POLR2F: variants seen among roughly 807,000 people sequenced by gnomAD.
POLR2F encodes the protein DNA-directed RNA polymerases I, II, and III subunit RPABC2.
A neutral mutation model predicts 22.7 loss-of-function variants in POLR2F; 12 were observed. The ratio of observed to expected loss-of-function variants is 0.53; its 90% CI spans 0.34 to 0.86. The LOEUF (loss-of-function observed/expected upper bound fraction) is 0.86, where lower values mean the gene tolerates loss of function less well. Among genes scored for constraint, POLR2F ranks in the 40% least tolerant of loss-of-function variants. POLR2F has a pLI of 0.02. For missense variants in POLR2F, 126 were observed against 171.5 expected, an observed-to-expected ratio of 0.73 and a Z score of 1.48; for synonymous variants, 57 against 66.0, an observed-to-expected ratio of 0.86 and a Z score of 0.66.
At chr22:38,035,798 G>A (rs1488396207) in intron 5 of POLR2F, among the ~76,000 whole-genome samples, 1 of 152,170 alleles carries the variant, frequency 6.6e-6, no homozygotes, top group East Asian at 1.9e-4. Flanking sequence ...CCAGCTGGGT[G>A]ACCATGAGTT....
At chr22:38,023,163 G>T (rs1335758139) in intron 1 of POLR2F, among the ~76,000 whole-genome samples, 1 of 152,224 alleles carries the variant, frequency 6.6e-6, no homozygotes, top group African/African-American at 2.4e-5. Flanking sequence ...TGGGAGGAGG[G>T]TGCCTCCAGA....
chr22:37,997,274 C>T lies in POLR2F; in HGVS notation c.120+10962C>T, dbSNP rs573579460. Among the ~76,000 whole-genome samples, 1 of 152,232 alleles carries T rather than the reference C, an allele frequency of 6.6e-6. No homozygotes were observed. The highest frequency in any genetic ancestry group is 6.5e-5 in the Admixed American group (1 of 15,308). On this transcript the variant is annotated intron_variant, in intron 1 of 2. Coordinates refer to the POLR2F transcript ENST00000333418. The surrounding 1 kb of genome is among the most constrained non-coding windows in gnomAD (Gnocchi z 4.4). The stretch of plus-strand genomic sequence containing the variant: ...TTCGGCCTCCACCTTGTTTCTTTCT[C>T]TGTCCATTGCTCCCTCCTTCTCCTC...
In POLR2F at chr22:37,997,598, G is replaced by A. The variant is rs1411656661; in HGVS notation, c.120+11286G>A. Among the ~76,000 whole-genome samples, 1 of 152,124 alleles carries A rather than the reference G, an allele frequency of 6.6e-6. No homozygotes were observed. Among genetic ancestry groups the A allele is most frequent in the African/African-American group, 2.4e-5 (1 of 41,410 alleles). On this transcript the variant is annotated intron_variant, in intron 1 of 2. Coordinates refer to the POLR2F transcript ENST00000333418. This position sits in a 1 kb window ranked among gnomAD's most constrained non-coding sequence, Gnocchi z 4.4. Reference sequence around the variant, plus strand: ...AGATGGGGAGAGCTGACAAGTTAGAGAAGCCAAGGCTTGTGGCAACCTGCA... The same window carrying A: ...AGATGGGGAGAGCTGACAAGTTAGAAAAGCCAAGGCTTGTGGCAACCTGCA...
chr22:37,963,355 C>T (rs1459183756), intron 3 of POLR2F, among the ~76,000 whole-genome samples: 2 of 152,174 alleles, frequency 1.3e-5, no homozygotes, highest in Non-Finnish European at 2.9e-5. Flanking sequence ...GTGGTGCTAT[C>T]ATAGCTCACT....
intron 1 of POLR2F, chr22:37,987,556 G>A (rs1381199932): frequency 5.8e-6 from 2 of 346,964 alleles, no homozygotes; most frequent in Admixed American, 7.6e-5. Flanking sequence ...CTGCCCTGAA[G>A]GATACACTGA....
At chr22:38,023,032 AAAAC>A (rs2084974776) in intron 1 of POLR2F, among the ~76,000 whole-genome samples, 1 of 152,204 alleles carries the variant, frequency 6.6e-6, no homozygotes, top group Non-Finnish European at 1.5e-5. Context: ...AACAGACAAA[AAAAC>A]AAACAAAGAA....
At position 37,953,749 on chromosome 22, in the gene POLR2F, G is replaced by T; in HGVS notation, c.-39G>T. 1 of 1,600,824 alleles carries T rather than the reference G, an allele frequency of 6.2e-7. No homozygotes were observed. Among genetic ancestry groups the T allele is most frequent in the Non-Finnish European group, 8.5e-7 (1 of 1,176,626 alleles). ...TGTCGCTGTTTGCGGGTCTCCGCGC[G>T]GGACCGGGGCGCAGCGGGGTCGCTG... On this transcript the variant is annotated 5_prime_UTR_variant, in exon 1 of 5. Coordinates refer to ENST00000442738, the MANE Select transcript of POLR2F (RefSeq NM_021974.5).
chr22:38,034,831 G>A (rs921642854), intron 5 of POLR2F, among the ~76,000 whole-genome samples: 4 of 152,166 alleles, frequency 2.6e-5, no homozygotes, highest in Non-Finnish European at 5.9e-5. Context: ...GGCCAGAGGA[G>A]AAACCAGTTG....
At chr22:37,971,948 C>T (rs753288391), downstream of POLR2F, among the ~76,000 whole-genome samples, 1 of 151,866 alleles carries the variant, frequency 6.6e-6, no homozygotes, top group Non-Finnish European at 1.5e-5. Context: ...TCTGAGGCTT[C>T]AGTCCCTGAG....
At chr22:37,959,929 A>T (rs1931560846) in intron 3 of POLR2F, among the ~76,000 whole-genome samples, 1 of 149,406 alleles carries the variant, frequency 6.7e-6, no homozygotes, top group African/African-American at 2.5e-5. Context: ...TCAGCCTCCC[A>T]GGTAGCTGGA....
intron 5 of POLR2F, among the ~76,000 whole-genome samples, chr22:38,033,549 C>G (rs898772560): frequency 1.3e-5 from 2 of 152,240 alleles, no homozygotes; most frequent in Non-Finnish European, 2.9e-5. Context: ...CCCACAGAGC[C>G]TCGCCAAGGC....
exon 3 of POLR2F, chr22:38,026,594 C>T (rs1442136157): frequency 2.0e-5 from 6 of 298,002 alleles, no homozygotes; most frequent in East Asian, 8.9e-5. Flanking sequence ...CCCCCTCCCC[C>T]GGCTCCCTGG....
chr22:37,967,709 C>G lies in POLR2F; in HGVS notation c.378C>G (p.Thr126=), dbSNP rs534343471. 1 of 1,613,082 alleles carries G rather than the reference C, an allele frequency of 6.2e-7. No homozygotes were observed. Among genetic ancestry groups the G allele is most frequent in the African/African-American group, 1.3e-5 (1 of 74,824 alleles). ...GGGGGGTGGACGAGCTCATCATCACCGACTGAGCTGGAGTCATCTTCCTGC... is the reference window on the plus strand; with the variant it reads ...GGGGGGTGGACGAGCTCATCATCACGGACTGAGCTGGAGTCATCTTCCTGC... ...EDWGVDELII[T]D The change falls in exon 5 of 5, where the codon ACC becomes ACG. Residue 126 remains threonine, a synonymous_variant. Transcript: ENST00000442738.
upstream of POLR2F, among the ~76,000 whole-genome samples, chr22:37,983,154 C>CTAGGGAA (rs1932452444): frequency 6.6e-6 from 1 of 152,222 alleles, no homozygotes; most frequent in Non-Finnish European, 1.5e-5. The surrounding 1 kb of genome is among the most constrained non-coding windows in gnomAD (Gnocchi z 9.5). Flanking sequence ...GTAGGGAGAC[C>CTAGGGAA]CGGCCTAGGC....
downstream of POLR2F, chr22:38,041,387 A>T: frequency 5.2e-6 from 2 of 384,602 alleles, no homozygotes; most frequent in Non-Finnish European, 9.4e-6. Context: ...GGATGTCTGG[A>T]GTCTAGGAGA....
At position 37,978,005 on chromosome 22, in the gene POLR2F, C is replaced by G; in HGVS notation, c.293+10835C>G. 1.9e-6 allele frequency: 3 copies of G among 1,611,672 alleles called. No homozygotes were observed. Among genetic ancestry groups the G allele is most frequent in the Non-Finnish European group, 2.5e-6 (3 of 1,179,762 alleles). ...GCCTCCCCACCGGGGCACTCCGCCT[C>G]GCCCTGGGCGGCCTTCCCGTTCTTC... is the stretch of plus-strand genomic sequence containing the variant. On this transcript the variant is annotated intron_variant, in intron 4 of 4. Coordinates refer to the POLR2F transcript ENST00000405557. The surrounding 1 kb of genome is among the most constrained non-coding windows in gnomAD (Gnocchi z 5.0).
intron 1 of POLR2F, among the ~76,000 whole-genome samples, chr22:38,002,836 C>T (rs1014568542): frequency 6.6e-6 from 1 of 151,808 alleles, no homozygotes; most frequent in Non-Finnish European, 1.5e-5. Flanking sequence ...CGCCATTCTC[C>T]TGCCTCAGCC....
chr22:37,981,830 C>T (rs867993038), upstream of POLR2F, among the ~76,000 whole-genome samples: 14 of 152,216 alleles, frequency 9.2e-5, no homozygotes, highest in South Asian at 2.1e-3. Context: ...GTCCACACAG[C>T]GGGCTGGTCG....
chr22:37,961,957 G>A (rs1022600162), intron 3 of POLR2F, among the ~76,000 whole-genome samples: 1 of 152,092 alleles, frequency 6.6e-6, no homozygotes, highest in African/African-American at 2.4e-5. Flanking sequence ...GCAGCTGGGT[G>A]CCGTGGCTCA....
Sources: gnomAD v4.1 joint callset for allele counts (sites outside exome capture counted in the v4.1 genomes callset) on GRCh38, gnomAD v4.1.1 for gene constraint, Gnocchi (gnomAD v3.1) non-coding constraint, MANE v1.5 for transcripts, NCBI Gene and HGNC (gene_info 2026-07-23, HGNC 2026-07-21) for gene names.